SLC7A13: variants seen among roughly 807,000 people sequenced by gnomAD.
The protein encoded by SLC7A13 is solute carrier family 7 member 13.
SLC7A13 carries 31 observed loss-of-function variants against 32.0 expected under a neutral mutation model. That is an observed-to-expected ratio of 0.97 (90% CI 0.73 to 1.31). The LOEUF is 1.31. Ranked by LOEUF, SLC7A13 falls within the 50% of genes most tolerant of loss-of-function variation. The pLI is 0.00. For missense variants in SLC7A13, 633 were observed against 546.9 expected (o/e 1.16, Z -1.57); for synonymous variants, 232 against 206.9 (o/e 1.12, Z -1.04).
intron 2 of SLC7A13, among the ~76,000 whole-genome samples, chr8:86,220,716 A>T (rs1391960012): frequency 6.6e-6 from 1 of 152,110 alleles, no homozygotes. Flanking sequence ...TAATTTAAGA[A>T]ACTATATTTG....
intron 1 of SLC7A13, among the ~76,000 whole-genome samples, chr8:86,227,731 T>C (rs1366310469): frequency 1.3e-5 from 2 of 152,186 alleles, no homozygotes; most frequent in Non-Finnish European, 2.9e-5. Context: ...ATGTGGTATA[T>C]ACACACCATG....
intron 1 of SLC7A13, among the ~76,000 whole-genome samples, chr8:86,227,337 A>G (rs2954345): frequency 0.52 from 78,583 of 151,882 alleles, 22,137 homozygotes; most frequent in African/African-American, 0.74. Context: ...AAAGATTGAA[A>G]GTGAGAAAAA....
chr8:86,217,416 TTA>T, intron 3 of SLC7A13, 52 bp downstream of exon 3: 1 of 1,404,142 alleles, frequency 7.1e-7, no homozygotes, highest in African/African-American at 1.4e-5. Context: ...TTAAATACAG[TTA>T]TACTCAATAT....
chr8:86,218,619 T>A (rs1820235923), intron 2 of SLC7A13, among the ~76,000 whole-genome samples: 2 of 151,634 alleles, frequency 1.3e-5, no homozygotes, highest in African/African-American at 4.8e-5. Context: ...TTCATGGTAC[T>A]AAGATTAAGA....
At chr8:86,229,133 T>C (rs1057411086) in intron 1 of SLC7A13, among the ~76,000 whole-genome samples, 1 of 151,298 alleles carries the variant, frequency 6.6e-6, no homozygotes, top group African/African-American at 2.4e-5. Flanking sequence ...CATTCATCAA[T>C]GAAAGGAAAA....
intron 3 of SLC7A13, among the ~76,000 whole-genome samples, chr8:86,215,323 A>T (rs1563587459): frequency 6.6e-6 from 1 of 152,212 alleles, no homozygotes; most frequent in Non-Finnish European, 1.5e-5. Context: ...GATATATATT[A>T]CACAGCTAGT....
chr8:86,225,085 A>T (rs950935393), intron 1 of SLC7A13, among the ~76,000 whole-genome samples: 4 of 152,080 alleles, frequency 2.6e-5, no homozygotes, highest in Non-Finnish European at 4.4e-5. Context: ...CTTAAAATAT[A>T]GCATTATCCT....
At position 86,230,019 on chromosome 8, in the gene SLC7A13, A is replaced by G. The variant is rs1466162918; in HGVS notation, c.259T>C (p.Tyr87His). The G allele has an allele frequency of 6.2e-7, 1 of 1,614,192 alleles. No individual in the cohort carries two copies. Among genetic ancestry groups the G allele is most frequent in the South Asian group, 1.1e-5 (1 of 91,090 alleles). The part of the protein sequence containing the change: ...SGAQYYFLKR[Y>H]FGSTVAFLNL... ...AAAAAAGCAACCGTGGAGCCAAAGT[A>G]TCTCTTGAGAAAATAGTATTGAGCT... The change falls in exon 1 of 4, where the codon TAC (tyrosine) becomes CAC (histidine). Residue 87 changes from tyrosine (Y) to histidine (H), a missense_variant. Coordinates refer to ENST00000297524, the MANE Select transcript of SLC7A13 (RefSeq NM_138817.3).
chr8:86,217,601 C>T lies in SLC7A13; in HGVS notation c.1048G>A (p.Ala350Thr). 6.2e-7 allele frequency: 1 copy of T among 1,613,230 alleles called. No individual in the cohort carries two copies. The highest frequency in any genetic ancestry group is 8.5e-7 in the Non-Finnish European group (1 of 1,179,568). Residue 350 changes from alanine (A) to threonine (T), a missense_variant, in exon 3 of 4, where the codon GCA (alanine) becomes ACA (threonine). Ala to Thr is a moderately conservative substitution (Grantham distance 58, BLOSUM62 0). Coordinates refer to ENST00000297524, the MANE Select transcript of SLC7A13 (RefSeq NM_138817.3). ...VLLLVTLGSLAIILTSLIDLI... is the reference protein window; with the variant it reads ...VLLLVTLGSLTIILTSLIDLI... ...TCAATTAGACTTGTTAAGATAATTG[C>T]AAGGGATCCCAAAGTGACAAGTAGT...
intron 2 of SLC7A13, among the ~76,000 whole-genome samples, chr8:86,218,234 G>A (rs770141899): frequency 4.6e-5 from 7 of 152,112 alleles, no homozygotes; most frequent in Non-Finnish European, 7.3e-5. Context: ...CTAGTTTATA[G>A]AGTCCTGATA....
chr8:86,228,518 T>C (rs1029359190), intron 1 of SLC7A13, among the ~76,000 whole-genome samples: 1 of 151,954 alleles, frequency 6.6e-6, no homozygotes, highest in African/African-American at 2.4e-5. Context: ...GGACTAAAAG[T>C]GTGCACTTCC....
chr8:86,226,556 C>G (rs922843468), intron 1 of SLC7A13, among the ~76,000 whole-genome samples: 9 of 152,152 alleles, frequency 5.9e-5, no homozygotes, highest in Non-Finnish European at 1.2e-4. Context: ...CCTCTGGCTT[C>G]CTCACTGAAT....
At position 86,229,584 on chromosome 8, in the gene SLC7A13, G is replaced by T. The variant is rs376237033; in HGVS notation, c.685+9C>A. ...TGATTTTAGATTTTTTTCCTCAATGGATTGTTACCTGCTATAAGTGTAAAG... is the reference window on the plus strand; with the variant it reads ...TGATTTTAGATTTTTTTCCTCAATGTATTGTTACCTGCTATAAGTGTAAAG... On this transcript the variant is annotated intron_variant, in intron 1 of 3. Transcript: ENST00000297524. 1.3e-6 allele frequency: 2 copies of T among 1,599,826 alleles called. No individual in the cohort carries two copies. Among genetic ancestry groups the T allele is most frequent in the African/African-American group, 1.3e-5 (1 of 74,300 alleles).
chr8:86,222,430 A>AT lies in SLC7A13; in HGVS notation c.817+541dup, dbSNP rs535196449. Among the ~76,000 whole-genome samples, 109 of 152,156 alleles carry AT rather than the reference A, an allele frequency of 7.2e-4. No individual in the cohort carries two copies. The East Asian group carries it at 0.016, about 22-fold the overall frequency. On this transcript the variant is annotated intron_variant, in intron 2 of 3. Coordinates refer to ENST00000297524, the MANE Select transcript of SLC7A13 (RefSeq NM_138817.3). ...CTACAATTTGGTCTCTAAGATAGCTATTTTTTGGTCAGATTTCCAATATGT... is the reference window on the plus strand; with the variant it reads ...CTACAATTTGGTCTCTAAGATAGCTATTTTTTTGGTCAGATTTCCAATATGT...
intron 2 of SLC7A13, among the ~76,000 whole-genome samples, chr8:86,218,760 G>T (rs972360245): frequency 2.6e-5 from 4 of 151,776 alleles, no homozygotes; most frequent in Non-Finnish European, 4.4e-5. Context: ...TTGTTTGTGA[G>T]AACCCACTTG....
intron 2 of SLC7A13, among the ~76,000 whole-genome samples, chr8:86,222,113 A>C (rs1373062481): frequency 6.6e-6 from 1 of 152,116 alleles, no homozygotes; most frequent in African/African-American, 2.4e-5. Context: ...GGGCAGTAAC[A>C]TAAGAATTGA....
chr8:86,230,291 T>C lies in SLC7A13; in HGVS notation c.-14A>G, dbSNP rs1291214763. The C allele has an allele frequency of 6.6e-7, 1 of 1,524,856 alleles. No homozygotes were observed. Among genetic ancestry groups the C allele is most frequent in the Non-Finnish European group, 8.8e-7 (1 of 1,138,910 alleles). 94.5% of individuals were successfully genotyped at this position (1,524,856 alleles called of 1,614,324 possible). On this transcript the variant is annotated 5_prime_UTR_variant, in exon 1 of 4. Coordinates refer to ENST00000297524, the MANE Select transcript of SLC7A13 (RefSeq NM_138817.3). Reference sequence around the variant, plus strand: ...CCCTCTATCCATTGTAATTGAAGAGTTTTAAAATTCTATATAAATTACAAT... The same window carrying C: ...CCCTCTATCCATTGTAATTGAAGAGCTTTAAAATTCTATATAAATTACAAT...
rs1820460206 is a variant in SLC7A13 at position 86,230,150 on chromosome 8, C to G, written c.128G>C (p.Cys43Ser). Residue 43 changes from cysteine (C) to serine (S), a missense_variant, in exon 1 of 4, where the codon TGC becomes TCC. Physicochemically the swap from Cys to Ser is moderately radical, Grantham distance 112 (BLOSUM62 -1). Coordinates refer to ENST00000297524, the MANE Select transcript of SLC7A13 (RefSeq NM_138817.3). ...VSPKGVLAYS[C>S]MNVGVSLCVW... ...GCACAGGGAGACTCCCACGTTCATG[C>G]AAGAGTATGCCAACACACCTTTGGG... 1.2e-6 allele frequency: 2 copies of G among 1,614,188 alleles called. No homozygotes were observed. Among genetic ancestry groups the G allele is most frequent in the East Asian group, 2.2e-5 (1 of 44,878 alleles).
intron 1 of SLC7A13, among the ~76,000 whole-genome samples, chr8:86,223,793 G>GCACACACA (rs59737111): frequency 0.011 from 1,552 of 147,098 alleles, 27 homozygotes; most frequent in African/African-American, 0.036. Flanking sequence ...ACACTAAAAT[G>GCACACACA]CACACACACA....
Sources: gnomAD v4.1 joint callset for allele counts (sites outside exome capture counted in the v4.1 genomes callset) on GRCh38, gnomAD v4.1.1 for gene constraint, MANE v1.5 for transcripts, NCBI Gene and HGNC (gene_info 2026-07-23, HGNC 2026-07-21) for gene names.